Variants in RGS7 observed in about 807,000 individuals in gnomAD.
RGS7 encodes regulator of G protein signaling 7, also known as regulator of G-protein signaling 7.
A neutral mutation model predicts 81.1 loss-of-function variants in RGS7; 27 were observed. That is an observed-to-expected ratio of 0.33 (90% CI 0.25 to 0.46). The LOEUF is 0.46. Among genes scored for constraint, RGS7 ranks in the 20% least tolerant of loss-of-function variants. RGS7 has a pLI of 1.00. For synonymous variants in RGS7, 208 were observed against 207.7 expected (o/e 1.00, Z -0.01); for missense variants, 396 against 607.4 (o/e 0.65, Z 3.66).
intron 2 of RGS7, among the ~76,000 whole-genome samples, chr1:241,343,979 CAAAT>C (rs1300447184): frequency 6.6e-6 from 1 of 152,130 alleles, no homozygotes; most frequent in East Asian, 1.9e-4. Context: ...GGATCCAAGA[CAAAT>C]AACAGAGTAA....
chr1:241,195,251 G>A lies in RGS7; in HGVS notation c.79-96489C>T, dbSNP rs564018381. Among the ~76,000 whole-genome samples the A allele has an allele frequency of 7.9e-5, 12 of 152,264 alleles. No individual in the cohort carries two copies. The East Asian group carries it at 1.5e-3, about 20-fold the overall frequency. Reference sequence around the variant, plus strand: ...AGCACTTTGGAAAGCTCAGGTGGGCGGATCACCTGAGGTCAGGAGTTCGAG... The same window carrying A: ...AGCACTTTGGAAAGCTCAGGTGGGCAGATCACCTGAGGTCAGGAGTTCGAG... On this transcript the variant is annotated intron_variant, in intron 2 of 18. Transcript: ENST00000440928.
At chr1:240,865,748 T>A (rs1663118361) in intron 9 of RGS7, among the ~76,000 whole-genome samples, 1 of 152,206 alleles carries the variant, frequency 6.6e-6, no homozygotes, top group Admixed American at 6.5e-5. Context: ...TTAGAAATTA[T>A]CACAATATTG....
chr1:240,993,899 T>C (rs1394814193), intron 3 of RGS7, among the ~76,000 whole-genome samples: 1 of 152,198 alleles, frequency 6.6e-6, no homozygotes, highest in Admixed American at 6.5e-5. Flanking sequence ...CCCGTGAATG[T>C]CCAATAGCTC....
At chr1:240,977,122 A>G (rs879587082) in intron 4 of RGS7, among the ~76,000 whole-genome samples, 1 of 151,408 alleles carries the variant, frequency 6.6e-6, no homozygotes, top group African/African-American at 2.4e-5. Flanking sequence ...ACACACACAC[A>G]CACACACACA....
At chr1:241,000,814 ATTT>A (rs10691671) in intron 3 of RGS7, among the ~76,000 whole-genome samples, 123 of 130,372 alleles carry the variant, frequency 9.4e-4, no homozygotes, top group African/African-American at 2.1e-3. Context: ...CACCCAGCTA[ATTT>A]TTTTTTTTTT....
At chr1:240,995,684 C>T (rs978275894) in intron 3 of RGS7, among the ~76,000 whole-genome samples, 4 of 146,482 alleles carry the variant, frequency 2.7e-5, no homozygotes, top group African/African-American at 2.5e-5. Context: ...GCTTCATTCC[C>T]GAAAATGGCA....
At chr1:241,098,355 C>A (rs763331574) in intron 3 of RGS7, among the ~76,000 whole-genome samples, 5 of 152,166 alleles carry the variant, frequency 3.3e-5, no homozygotes, top group Non-Finnish European at 4.4e-5. Flanking sequence ...ATTTTTTTCA[C>A]CCTCCTAATT....
Position 241,259,667 on chromosome 1 carries a change from A to AAAAAAAAAAAAAAATAT in RGS7, c.78+96031_78+96032insATATTTTTTTTTTTTTT. On this transcript the variant is annotated intron_variant, in intron 2 of 18. Coordinates refer to ENST00000440928, the MANE Select transcript of RGS7 (RefSeq NM_001364886.1). ...CTCCGTCTCAAAAAAAAAAAAAAAAAATATATATATATATATATAATTAAA... is the reference window on the plus strand; with the variant it reads ...CTCCGTCTCAAAAAAAAAAAAAAAAAAAAAAAAAAAAAAATATATATATATATATATATATAATTAAA... 4.1e-3 allele frequency among the ~76,000 whole-genome samples: 202 copies of AAAAAAAAAAAAAAATAT among 49,020 alleles called. 4 individuals carry two copies. The highest frequency in any genetic ancestry group is 0.017 in the South Asian group (16 of 938). 32.2% of individuals were successfully genotyped at this position (49,020 alleles called of 152,430 possible). A position where few individuals can be genotyped will look rare whatever the true frequency, so the allele number is the denominator to read the frequency against.
Position 241,308,508 on chromosome 1 carries a change from T to A in RGS7, c.78+47191A>T, listed in dbSNP as rs1374182996. Among the ~76,000 whole-genome samples, 3 of 152,222 alleles carry A rather than the reference T, an allele frequency of 2.0e-5. No individual in the cohort carries two copies. In the East Asian group the frequency reaches 5.8e-4, roughly 29 times the overall value. ...CAGAGAACCAGAGCAAACAGTCTTT[T>A]ATCAGCTGGTCTATTACCTGAGAGA... On this transcript the variant is annotated intron_variant, in intron 2 of 18. Coordinates refer to ENST00000440928, the MANE Select transcript of RGS7 (RefSeq NM_001364886.1).
intron 1 of RGS7, among the ~76,000 whole-genome samples, chr1:241,356,317 C>T (rs1006000595): frequency 3.9e-5 from 6 of 152,116 alleles, no homozygotes; most frequent in Non-Finnish European, 8.8e-5. Flanking sequence ...TTCCCGGTGT[C>T]ATTCTCCAGC....
At chr1:240,893,661 C>A (rs1254641414) in intron 6 of RGS7, among the ~76,000 whole-genome samples, 1 of 151,846 alleles carries the variant, frequency 6.6e-6, no homozygotes, top group Non-Finnish European at 1.5e-5. Flanking sequence ...TCTGCAGTTC[C>A]ACTGAACAAC....
In RGS7 at chr1:240,936,734, T is replaced by C. The variant is rs200006340; in HGVS notation, c.227-28A>G. 1.8e-5 allele frequency: 28 copies of C among 1,539,090 alleles called. No homozygotes were observed. In the Admixed American group the frequency reaches 2.0e-4, roughly 11 times the overall value. On this transcript the variant is annotated intron_variant, in intron 4 of 18. Coordinates refer to ENST00000440928, the MANE Select transcript of RGS7 (RefSeq NM_001364886.1). Reference sequence around the variant, plus strand: ...GTTTTATGAAAACAAACAAAGAACATAAAAAAGCCTTTTAAATGTATTCTT... The same window carrying C: ...GTTTTATGAAAACAAACAAAGAACACAAAAAAGCCTTTTAAATGTATTCTT...
intron 2 of RGS7, among the ~76,000 whole-genome samples, chr1:241,290,865 G>T (rs973330623): frequency 6.6e-6 from 1 of 152,102 alleles, no homozygotes; most frequent in Non-Finnish European, 1.5e-5. Flanking sequence ...CTGTAAATAC[G>T]AACTCTACTT....
chr1:240,876,287 G>A (rs546814952), intron 6 of RGS7, among the ~76,000 whole-genome samples: 43 of 152,218 alleles, frequency 2.8e-4, no homozygotes, highest in South Asian at 8.3e-4. Flanking sequence ...GAGATAAGGC[G>A]CGGTCACCCC....
chr1:240,888,615 A>G (rs1253832898), intron 6 of RGS7, among the ~76,000 whole-genome samples: 3 of 152,210 alleles, frequency 2.0e-5, no homozygotes, highest in Non-Finnish European at 4.4e-5. Context: ...AATTTATTGA[A>G]TGCTTTCCAT....
At chr1:240,793,611 A>ATATATATATATATTTTT in intron 18 of RGS7, among the ~76,000 whole-genome samples, 4 of 78,800 alleles carry the variant, frequency 5.1e-5, no homozygotes, top group South Asian at 4.2e-4. Flanking sequence ...ATATATATAT[A>ATATATATATATATTTTT]TTTTTTTTTT....
intron 2 of RGS7, among the ~76,000 whole-genome samples, chr1:241,140,900 C>G (rs1319272673): frequency 2.6e-5 from 4 of 152,222 alleles, no homozygotes; most frequent in African/African-American, 9.6e-5. Context: ...ACATTACCCA[C>G]TAGTGCCTGT....
chr1:241,089,059 C>A (rs868450617), intron 3 of RGS7, among the ~76,000 whole-genome samples: 197 of 43,772 alleles, frequency 4.5e-3, no homozygotes, highest in Non-Finnish European at 6.1e-3. Context: ...CTCTCTCTCT[C>A]TCTCTATATA....
chr1:241,150,441 A>T lies in RGS7; in HGVS notation c.79-51679T>A, dbSNP rs551848866. Among the ~76,000 whole-genome samples the T allele has an allele frequency of 9.9e-5, 15 of 152,256 alleles. No individual in the cohort carries two copies. The East Asian group carries it at 2.9e-3, about 29-fold the overall frequency. Reference sequence around the variant, plus strand: ...GATAACCAGAAAAAAAAACTTTATGACTCTGAGTCCCTCAGTCATCTTGAG... The same window carrying T: ...GATAACCAGAAAAAAAAACTTTATGTCTCTGAGTCCCTCAGTCATCTTGAG... On this transcript the variant is annotated intron_variant, in intron 2 of 18. Coordinates refer to ENST00000440928, the MANE Select transcript of RGS7 (RefSeq NM_001364886.1).
Sources: gnomAD v4.1 joint callset for allele counts (sites outside exome capture counted in the v4.1 genomes callset) on GRCh38, gnomAD v4.1.1 for gene constraint, MANE v1.5 for transcripts, NCBI Gene and HGNC (gene_info 2026-07-23, HGNC 2026-07-21) for gene names.